MLNR: variants seen among roughly 807,000 people sequenced by gnomAD.
MLNR encodes motilin receptor.
In MLNR, 16 loss-of-function variants were observed where a neutral mutation model predicts 20.0. The ratio of observed to expected loss-of-function variants is 0.80; its 90% CI spans 0.54 to 1.22. The LOEUF (loss-of-function observed/expected upper bound fraction) is 1.22, where lower values mean the gene tolerates loss of function less well. MLNR is among the 50% of genes most tolerant of loss of function. The probability of loss-of-function intolerance (pLI) is 0.00; values close to 1 mark genes in which losing one functional copy is unlikely to be tolerated. For synonymous variants in MLNR, 302 were observed against 287.2 expected (o/e 1.05, Z -0.52); for missense variants, 630 against 592.3 (o/e 1.06, Z -0.66).
In MLNR at chr13:49,220,776, C is replaced by A; in HGVS notation, c.439C>A (p.Arg147Ser). 6.4e-7 allele frequency: 1 copy of A among 1,566,918 alleles called. No homozygotes were observed. The highest frequency in any genetic ancestry group is 8.6e-7 in the Non-Finnish European group (1 of 1,157,114). Residue 147 changes from arginine to serine, a missense_variant, in exon 1 of 2, where the codon CGC becomes AGC. Coordinates refer to ENST00000218721, the MANE Select transcript of MLNR (RefSeq NM_001507.1). This position sits in a 1 kb window ranked among gnomAD's most constrained non-coding sequence, Gnocchi z 4.4. ...YLAICRPLRA[R>S]VLVTRRRVRA... ...GGCCATCTGCCGCCCGCTCCGCGCC[C>A]GCGTCTTGGTCACCCGGCGCCGCGT...
In MLNR at chr13:49,222,367, C is replaced by T. The variant is rs771969644; in HGVS notation, c.1229C>T (p.Thr410Met). The T allele has an allele frequency of 1.2e-5, 19 of 1,610,472 alleles. No individual in the cohort carries two copies. Among genetic ancestry groups the T allele is most frequent in the Middle Eastern group, 1.7e-4 (1 of 6,048 alleles). Residue 410 changes from threonine (T) to methionine (M), a missense_variant, in exon 2 of 2, where the codon ACG (threonine) becomes ATG (methionine). By Grantham distance (81) the Thr-to-Met change is moderately conservative. Coordinates refer to ENST00000218721, the MANE Select transcript of MLNR (RefSeq NM_001507.1). ...ACCGAGACAAGCGCTAACGTGAAGACGATGGGATAACCAGCACGGCCAAGC... is the reference window on the plus strand; with the variant it reads ...ACCGAGACAAGCGCTAACGTGAAGATGATGGGATAACCAGCACGGCCAAGC... ...GYTETSANVK[T>M]MG
Position 49,221,182 on chromosome 13 carries a change from G to C in MLNR, c.845G>C (p.Arg282Pro). The C allele has an allele frequency of 6.3e-7, 1 of 1,585,596 alleles. No individual in the cohort carries two copies. The highest frequency in any genetic ancestry group is 1.1e-5 in the South Asian group (1 of 89,632). Residue 282 changes from arginine to proline, a missense_variant, in exon 1 of 2, where the codon CGA becomes CCA. Coordinates refer to ENST00000218721, the MANE Select transcript of MLNR (RefSeq NM_001507.1). ...CTGTGGAGCAGCCGGCGGCCGCTGC[G>C]AGGCCCGGCCGCCTCGGGGCGGGAG... ...RELWSSRRPL[R>P]GPAASGRERG...
At chr13:49,221,293 G>T (rs1301628367) in intron 1 of MLNR, 55 bp downstream of exon 1, 1 of 1,522,086 alleles carries the variant, frequency 6.6e-7, no homozygotes, top group Non-Finnish European at 8.8e-7. Context: ...GCCCCGCCGG[G>T]GACCGCGCAA....
In MLNR at chr13:49,220,481, G is replaced by A. The variant is rs551949954; in HGVS notation, c.144G>A (p.Leu48=). 3.8e-6 allele frequency: 6 copies of A among 1,587,038 alleles called. No individual in the cohort carries two copies. The African/African-American group carries it at 5.4e-5, about 14-fold the overall frequency. The change falls in exon 1 of 2, where the codon CTG becomes CTA. Residue 48 remains leucine (L), a synonymous_variant. Coordinates refer to ENST00000218721, the MANE Select transcript of MLNR (RefSeq NM_001507.1). This position sits in a 1 kb window ranked among gnomAD's most constrained non-coding sequence, Gnocchi z 4.4. ...LVPVTAVCLC[L]FVVGVSGNVV... Reference sequence around the variant, plus strand: ...CGGTGACCGCTGTGTGCCTGTGCCTGTTCGTCGTCGGGGTGAGCGGCAACG... The same window carrying A: ...CGGTGACCGCTGTGTGCCTGTGCCTATTCGTCGTCGGGGTGAGCGGCAACG...
chr13:49,221,443 A>C, intron 1 of MLNR: 4 of 571,346 alleles, frequency 7.0e-6, no homozygotes, highest in Non-Finnish European at 9.0e-6. Context: ...GCTCTGGGGG[A>C]CCCCAGGGCG....
At position 49,220,999 on chromosome 13, in the gene MLNR, G is replaced by C; in HGVS notation, c.662G>C (p.Gly221Ala). The change falls in exon 1 of 2, where the codon GGG (glycine) becomes GCG (alanine). Residue 221 changes from glycine (G) to alanine (A), a missense_variant. By Grantham distance (60) the Gly-to-Ala change is moderately conservative. Coordinates refer to ENST00000218721, the MANE Select transcript of MLNR (RefSeq NM_001507.1). This position sits in a 1 kb window ranked among gnomAD's most constrained non-coding sequence, Gnocchi z 4.4. ...SRAPPPSPPS[G>A]PETAEAAALF... ...GCGCCACCGCCGTCCCCGCCGTCGG[G>C]GCCCGAGACCGCGGAGGCCGCGGCG... 2.0e-6 allele frequency: 3 copies of C among 1,523,578 alleles called. No homozygotes were observed. Among genetic ancestry groups the C allele is most frequent in the Non-Finnish European group, 2.6e-6 (3 of 1,147,824 alleles). 94.4% of individuals were successfully genotyped at this position (1,523,578 alleles called of 1,614,324 possible).
Position 49,221,198 on chromosome 13 carries a change from G to T in MLNR, c.861G>T (p.Ser287=). The T allele has an allele frequency of 6.3e-7, 1 of 1,585,702 alleles. No homozygotes were observed. Among genetic ancestry groups the T allele is most frequent in the Non-Finnish European group, 8.5e-7 (1 of 1,174,450 alleles). ...GGCCGCTGCGAGGCCCGGCCGCCTC[G>T]GGGCGGGAGAGAGGCCACCGGCAGA... The part of the protein sequence containing the change: ...SRRPLRGPAA[S]GRERGHRQTV... The change falls in exon 1 of 2, where the codon TCG becomes TCT. Residue 287 remains serine, a synonymous_variant. Transcript: ENST00000218721.
Position 49,222,214 on chromosome 13 carries a change from C to T in MLNR, c.1076C>T (p.Ser359Leu), listed in dbSNP as rs776782486. ...SINPILYNLI[S>L]KKYRAAAFKL... is the part of the protein sequence containing the mutation. ...AACCCAATCCTCTACAACCTCATTT[C>T]AAAGAAGTACAGAGCGGCGGCCTTT... is the stretch of plus-strand genomic sequence containing the variant. Residue 359 changes from serine to leucine, a missense_variant, in exon 2 of 2, where the codon TCA becomes TTA. Ser to Leu is a moderately radical substitution (Grantham distance 145, BLOSUM62 -2). Coordinates refer to ENST00000218721, the MANE Select transcript of MLNR (RefSeq NM_001507.1). 2 of 1,614,158 alleles carry T rather than the reference C, an allele frequency of 1.2e-6. No individual in the cohort carries two copies. Among genetic ancestry groups the T allele is most frequent in the South Asian group, 2.2e-5 (2 of 91,070 alleles).
In MLNR at chr13:49,220,596, A is replaced by G. The variant is rs1204179145; in HGVS notation, c.259A>G (p.Ile87Val). 6.2e-7 allele frequency: 1 copy of G among 1,613,100 alleles called. No homozygotes were observed. Among genetic ancestry groups the G allele is most frequent in the South Asian group, 1.1e-5 (1 of 90,998 alleles). ...LGSMAVSDLL[I>V]LLGLPFDLYR... ...CAGCATGGCCGTGTCCGACCTACTC[A>G]TCCTGCTCGGGCTGCCGTTCGACCT... Residue 87 changes from isoleucine (I) to valine (V), a missense_variant, in exon 1 of 2, where the codon ATC becomes GTC. Physicochemically the swap from Ile to Val is conservative, Grantham distance 29. Coordinates refer to ENST00000218721, the MANE Select transcript of MLNR (RefSeq NM_001507.1). The surrounding 1 kb of genome is among the most constrained non-coding windows in gnomAD (Gnocchi z 4.4).
At chr13:49,221,901 G>A (rs938108222) in intron 1 of MLNR, 139 bp from the exon 2 acceptor site, 29 of 743,672 alleles carry the variant, frequency 3.9e-5, no homozygotes, top group Non-Finnish European at 4.8e-5. Context: ...TTTTTCTGGG[G>A]TGAGGATCTG....
chr13:49,222,350 A>G lies in MLNR; in HGVS notation c.1212A>G (p.Thr404=). Residue 404 remains threonine (T), a synonymous_variant, in exon 2 of 2, where the codon ACA becomes ACG. Transcript: ENST00000218721. Reference sequence around the variant, plus strand: ...GAGACACGGTGGGCTACACCGAGACAAGCGCTAACGTGAAGACGATGGGAT... The same window carrying G: ...GAGACACGGTGGGCTACACCGAGACGAGCGCTAACGTGAAGACGATGGGAT... The part of the protein sequence containing the change: ...TGGDTVGYTE[T]SANVKTMG The G allele has an allele frequency of 6.2e-7, 1 of 1,613,424 alleles. No individual in the cohort carries two copies. The highest frequency in any genetic ancestry group is 1.1e-5 in the South Asian group (1 of 90,966).
rs746609302 is a variant in MLNR at position 49,220,397 on chromosome 13, C to A, written c.60C>A (p.Pro20=). The change falls in exon 1 of 2, where the codon CCC becomes CCA. Residue 20 remains proline, a synonymous_variant. Coordinates refer to ENST00000218721, the MANE Select transcript of MLNR (RefSeq NM_001507.1). The surrounding 1 kb of genome is among the most constrained non-coding windows in gnomAD (Gnocchi z 4.4). ...AGGGGGCGCGGGAGCCGCCGTGGCC[C>A]GCGCTGCCGCCTTGCGACGAGCGCC... ...GPEGAREPPW[P]ALPPCDERRC... 2.7e-6 allele frequency: 4 copies of A among 1,506,840 alleles called. No individual in the cohort carries two copies. Among genetic ancestry groups the A allele is most frequent in the Non-Finnish European group, 3.5e-6 (4 of 1,133,974 alleles). 93.3% of individuals were successfully genotyped at this position (1,506,840 alleles called of 1,614,324 possible).
intron 1 of MLNR, chr13:49,221,501 T>C (rs1393060755): frequency 1.9e-6 from 1 of 532,844 alleles, no homozygotes; most frequent in Non-Finnish European, 3.3e-6. Flanking sequence ...AGCAGTGCTT[T>C]TCCAGAGCCT....
intron 1 of MLNR, chr13:49,221,452 C>G (rs1291714900): frequency 7.0e-6 from 4 of 574,046 alleles, no homozygotes; most frequent in Non-Finnish European, 1.2e-5. Context: ...GACCCCAGGG[C>G]GCTTTGAGGG....
chr13:49,221,390 G>T, intron 1 of MLNR, 152 bp downstream of exon 1: 1 of 809,652 alleles, frequency 1.2e-6, no homozygotes, highest in Non-Finnish European at 2.0e-6. Flanking sequence ...CCACCCGCCG[G>T]TACTTCCCAT....
chr13:49,221,395 T>G, intron 1 of MLNR, 157 bp downstream of exon 1: 3 of 767,028 alleles, frequency 3.9e-6, no homozygotes, highest in Non-Finnish European at 6.3e-6. Context: ...CGCCGGTACT[T>G]CCCATCCCCC....
Position 49,221,142 on chromosome 13 carries a change from C to A in MLNR, c.805C>A (p.Leu269Ile). 1 of 1,592,512 alleles carries A rather than the reference C, an allele frequency of 6.3e-7. No individual in the cohort carries two copies. The highest frequency in any genetic ancestry group is 8.5e-7 in the Non-Finnish European group (1 of 1,177,430). ...TCTGTGCCTCAGCATCCTCTACGGG[C>A]TCATCGGGCGGGAGCTGTGGAGCAG... ...PFLCLSILYGLIGRELWSSRR... is the reference protein window; with the variant it reads ...PFLCLSILYGIIGRELWSSRR... Residue 269 changes from leucine (L) to isoleucine (I), a missense_variant, in exon 1 of 2, where the codon CTC becomes ATC. Coordinates refer to ENST00000218721, the MANE Select transcript of MLNR (RefSeq NM_001507.1).
chr13:49,221,253 C>A lies in MLNR; in HGVS notation c.901+15C>A. ...CCGCGTCCTGCGTAAGTGGAGCCGC[C>A]GTGGTTCCAAAGACGCCTGCCTGCA... is the stretch of plus-strand genomic sequence containing the variant. On this transcript the variant is annotated intron_variant, in intron 1 of 1. Transcript: ENST00000218721. The A allele has an allele frequency of 6.4e-7, 1 of 1,555,088 alleles. No individual in the cohort carries two copies. The highest frequency in any genetic ancestry group is 1.1e-5 in the South Asian group (1 of 86,970).
At position 49,220,487 on chromosome 13, in the gene MLNR, C is replaced by T. The variant is rs142759236; in HGVS notation, c.150C>T (p.Val50=). Reference sequence around the variant, plus strand: ...CCGCTGTGTGCCTGTGCCTGTTCGTCGTCGGGGTGAGCGGCAACGTGGTGA... The same window carrying T: ...CCGCTGTGTGCCTGTGCCTGTTCGTTGTCGGGGTGAGCGGCAACGTGGTGA... The part of the protein sequence containing the change: ...PVTAVCLCLF[V]VGVSGNVVTV... Residue 50 remains valine, a synonymous_variant, in exon 1 of 2, where the codon GTC becomes GTT. Transcript: ENST00000218721. This position sits in a 1 kb window ranked among gnomAD's most constrained non-coding sequence, Gnocchi z 4.4. 131 of 1,591,300 alleles carry T rather than the reference C, an allele frequency of 8.2e-5. No individual in the cohort carries two copies. The African/African-American group carries it at 1.7e-3, about 20-fold the overall frequency.
Sources: allele counts gnomAD v4.1 joint callset, GRCh38; gene constraint gnomAD v4.1.1; non-coding constraint Gnocchi (gnomAD v3.1); transcripts MANE v1.5; gene names NCBI Gene and HGNC (gene_info 2026-07-23, HGNC 2026-07-21).